Variants in TMEM232 observed in about 807,000 individuals in gnomAD.
TMEM232 encodes transmembrane protein 232.
Under a neutral mutation model 78.8 loss-of-function variants are expected in TMEM232, and 80 were observed. The ratio of observed to expected loss-of-function variants is 1.01; its 90% CI spans 0.85 to 1.22. The LOEUF (loss-of-function observed/expected upper bound fraction) is 1.22. Ranked by LOEUF, TMEM232 falls within the 50% of genes most tolerant of loss-of-function variation. The pLI, the probability that TMEM232 is intolerant of heterozygous loss-of-function variation, is 0.00. For synonymous variants in TMEM232, 297 were observed against 254.3 expected (o/e 1.17, Z -1.60); for missense variants, 881 against 742.2 (o/e 1.19, Z -2.17).
intron 12 of TMEM232, among the ~76,000 whole-genome samples, chr5:110,447,063 C>G (rs902268983): frequency 6.6e-6 from 1 of 151,614 alleles, no homozygotes; most frequent in Non-Finnish European, 1.5e-5. Flanking sequence ...CAAAGTGAGA[C>G]AGGCACCAGG....
At chr5:110,675,358 C>A (rs563335436) in intron 1 of TMEM232, among the ~76,000 whole-genome samples, 1 of 152,082 alleles carries the variant, frequency 6.6e-6, no homozygotes, top group African/African-American at 2.4e-5. Context: ...AAAATTCTTA[C>A]AAGTAAGCTT....
intron 1 of TMEM232, among the ~76,000 whole-genome samples, chr5:110,704,969 T>C (rs1279684533): frequency 6.6e-6 from 1 of 152,140 alleles, no homozygotes; most frequent in Non-Finnish European, 1.5e-5. Context: ...AACATTCTAA[T>C]GAAACTGGGA....
Position 110,391,326 on chromosome 5 carries a change from T to TGTGTGTGTGTGTGAGAGAGA in TMEM232, n.391-687_391-686insTCTCTCTCACACACACACAC, listed in dbSNP as rs549361387. ...GTGTGTGTGTGTGTGTGTGTGTGTGTGAGAGAGAGAGAGAGAGAGAGAAAC... is the reference window on the plus strand; with the variant it reads ...GTGTGTGTGTGTGTGTGTGTGTGTGTGTGTGTGTGTGTGAGAGAGAGAGAGAGAGAGAGAGAGAGAGAAAC... On this transcript the variant is annotated intron_variant and non_coding_transcript_variant, in intron 3 of 8. Transcript: ENST00000507188. 2.2e-3 allele frequency among the ~76,000 whole-genome samples: 310 copies of TGTGTGTGTGTGTGAGAGAGA among 139,882 alleles called. 3 individuals carry two copies. The highest frequency in any genetic ancestry group is 8.2e-3 in the African/African-American group (280 of 33,994). 91.8% of individuals were successfully genotyped at this position (139,882 alleles called of 152,430 possible). A position where few individuals can be genotyped will look rare whatever the true frequency, so the allele number is the denominator to read the frequency against.
chr5:110,549,358 T>C (rs1199728835), intron 11 of TMEM232, among the ~76,000 whole-genome samples: 2 of 151,998 alleles, frequency 1.3e-5, no homozygotes, highest in Non-Finnish European at 2.9e-5. Context: ...CTCAGGCCTG[T>C]AATCCCAGTG....
In TMEM232 at chr5:110,606,160, T is replaced by C; in HGVS notation, c.1026+4A>G. The C allele has an allele frequency of 6.5e-7, 1 of 1,534,254 alleles. No individual in the cohort carries two copies. Among genetic ancestry groups the C allele is most frequent in the Non-Finnish European group, 8.8e-7 (1 of 1,136,772 alleles). On this transcript the variant is annotated splice_donor_region_variant and intron_variant, in intron 9 of 13. Transcript: ENST00000455884. ...TCTTTTCACATATAAATTAGCAATGTTACCTGATTTTGAACAGACATAATG... is the reference window on the plus strand; with the variant it reads ...TCTTTTCACATATAAATTAGCAATGCTACCTGATTTTGAACAGACATAATG...
At chr5:110,606,489 G>C (rs962953258) in intron 8 of TMEM232, among the ~76,000 whole-genome samples, 2 of 152,036 alleles carry the variant, frequency 1.3e-5, no homozygotes, top group Non-Finnish European at 2.9e-5. Flanking sequence ...ATATGTTTGA[G>C]TTCAGAGTAG....
chr5:110,716,013 C>G (rs1796975151), intron 1 of TMEM232, among the ~76,000 whole-genome samples: 1 of 152,100 alleles, frequency 6.6e-6, no homozygotes, highest in African/African-American at 2.4e-5. Flanking sequence ...ACCCACCACT[C>G]CCAGCTTTGA....
intron 11 of TMEM232, among the ~76,000 whole-genome samples, chr5:110,534,392 T>C (rs1169870058): frequency 6.6e-6 from 1 of 152,162 alleles, no homozygotes; most frequent in East Asian, 1.9e-4. Context: ...GCTACCAACT[T>C]AAAAAAGACT....
At chr5:110,428,510 A>T (rs1353084262) in intron 12 of TMEM232, among the ~76,000 whole-genome samples, 4 of 151,774 alleles carry the variant, frequency 2.6e-5, no homozygotes, top group Non-Finnish European at 5.9e-5. Flanking sequence ...TCTCTGTGGG[A>T]GGTCTAGGAG....
intron 2 of TMEM232, among the ~76,000 whole-genome samples, chr5:110,408,589 C>CA (rs1432023789): frequency 2.0e-5 from 3 of 150,220 alleles, no homozygotes; most frequent in Non-Finnish European, 4.4e-5. Context: ...GACTCTGTCT[C>CA]AAAAAACAAA....
intron 1 of TMEM232, among the ~76,000 whole-genome samples, chr5:110,704,511 T>C (rs189342428): frequency 3.3e-5 from 5 of 152,208 alleles, no homozygotes; most frequent in African/African-American, 1.2e-4. Flanking sequence ...ATATACCTTT[T>C]GTTTTTGTAT....
At chr5:110,579,497 T>C (rs920100263) in intron 10 of TMEM232, among the ~76,000 whole-genome samples, 13 of 151,806 alleles carry the variant, frequency 8.6e-5, no homozygotes, top group African/African-American at 2.9e-4. Flanking sequence ...TTTAAAAATA[T>C]GTTAATGTAT....
intron 1 of TMEM232, among the ~76,000 whole-genome samples, chr5:110,686,782 G>C (rs1039379298): frequency 6.6e-6 from 1 of 152,022 alleles, no homozygotes; most frequent in African/African-American, 2.4e-5. Context: ...TCTGATGTAC[G>C]AAAATAAAAA....
chr5:110,434,950 T>C (rs958008799), intron 12 of TMEM232, among the ~76,000 whole-genome samples: 2 of 151,852 alleles, frequency 1.3e-5, no homozygotes, highest in Non-Finnish European at 2.9e-5. Flanking sequence ...CAAAGGAACA[T>C]CCCTCAAAAC....
intron 1 of TMEM232, among the ~76,000 whole-genome samples, chr5:110,707,959 A>G (rs982605933): frequency 6.6e-6 from 1 of 152,172 alleles, no homozygotes; most frequent in Non-Finnish European, 1.5e-5. Flanking sequence ...TCCTGGGAAG[A>G]TTCATCACCT....
chr5:110,590,939 G>A (rs1779445422), intron 10 of TMEM232, among the ~76,000 whole-genome samples: 1 of 152,064 alleles, frequency 6.6e-6, no homozygotes, highest in Admixed American at 6.6e-5. Context: ...AACAGCATGA[G>A]GGAAACCGTC....
In TMEM232 at chr5:110,400,635, G is replaced by A. The variant is rs917675012; in HGVS notation, n.309-2781C>T. 5.3e-5 allele frequency among the ~76,000 whole-genome samples: 8 copies of A among 151,912 alleles called. No homozygotes were observed. The East Asian group carries it at 9.6e-4, about 18-fold the overall frequency. On this transcript the variant is annotated intron_variant and non_coding_transcript_variant, in intron 2 of 8. Transcript: ENST00000507188. ...TATTTCCAGAATCCAAATTAATTACGTTCATTGTAAATGCAGATATGTAGA... is the reference window on the plus strand; with the variant it reads ...TATTTCCAGAATCCAAATTAATTACATTCATTGTAAATGCAGATATGTAGA...
chr5:110,516,056 G>A (rs6594454), intron 12 of TMEM232, among the ~76,000 whole-genome samples: 21,326 of 152,068 alleles, frequency 0.14, 1,804 homozygotes, highest in African/African-American at 0.23. Context: ...TGGCTAACAC[G>A]GTGAAACCCA....
intron 6 of TMEM232, 94 bp downstream of exon 6, chr5:110,627,687 A>C (rs145605508): frequency 0.02 from 18,615 of 910,386 alleles, 232 homozygotes; most frequent in African/African-American, 0.032. Flanking sequence ...TTTATGAAAA[A>C]TAAAATGCAG....
Sources: gnomAD v4.1 joint callset for allele counts (sites outside exome capture counted in the v4.1 genomes callset) on GRCh38, gnomAD v4.1.1 for gene constraint, MANE v1.5 for transcripts, NCBI Gene and HGNC (gene_info 2026-07-23, HGNC 2026-07-21) for gene names.